Variants in MMS22L observed in about 807,000 individuals in gnomAD.
MMS22L encodes the protein MMS22 like, DNA repair protein, also known as protein MMS22-like.
MMS22L carries 74 observed loss-of-function variants against 159.1 expected under a neutral mutation model. The ratio of observed to expected loss-of-function variants is 0.47; its 90% CI spans 0.39 to 0.56. The LOEUF (loss-of-function observed/expected upper bound fraction) is 0.56. Among genes scored for constraint, MMS22L ranks in the 20% least tolerant of loss-of-function variants. The pLI, the probability that MMS22L is intolerant of heterozygous loss-of-function variation, is 0.00. For missense variants in MMS22L, 1,351 were observed against 1,422.1 expected (o/e 0.95, Z 0.80); for synonymous variants, 517 against 506.9 (o/e 1.02, Z -0.27).
intron 11 of MMS22L, among the ~76,000 whole-genome samples, chr6:97,244,948 T>A (rs544544922): frequency 6.6e-6 from 1 of 151,986 alleles, no homozygotes; most frequent in Admixed American, 6.6e-5. Context: ...CTGCCTCTGC[T>A]GCTTCATAAA....
intron 14 of MMS22L, among the ~76,000 whole-genome samples, chr6:97,225,572 GT>G (rs202185434): frequency 2.7e-4 from 39 of 142,064 alleles, no homozygotes; most frequent in East Asian, 1.2e-3. Context: ...TGGTCTCGAA[GT>G]TTTTTTTTTT....
intron 23 of MMS22L, among the ~76,000 whole-genome samples, chr6:97,151,369 A>C (rs947513355): frequency 3.9e-5 from 6 of 152,196 alleles, no homozygotes; most frequent in Non-Finnish European, 8.8e-5. Context: ...GCAGCCTAGG[A>C]CCATTAGGCC....
rs773186971 is a variant in MMS22L at position 97,144,473 on chromosome 6, GAA to G, written c.*2331_*2332del. ...GCTCAAGGGTCAACTGTATATGTAG[GAA>G]GGAGCAGTACCATTGTGGAAATGAT... On this transcript the variant is annotated 3_prime_UTR_variant, in exon 25 of 25. Coordinates refer to ENST00000683635, the MANE Select transcript of MMS22L (RefSeq NM_001350599.2). 1 of 152,220 alleles carries G rather than the reference GAA, an allele frequency of 6.6e-6. No individual in the cohort carries two copies. 9.4% of individuals were successfully genotyped at this position (152,220 alleles called of 1,614,324 possible). A position where few individuals can be genotyped will look rare whatever the true frequency, so the allele number is the denominator to read the frequency against.
At chr6:97,265,275 A>G (rs1046598748) in intron 8 of MMS22L, 1 of 152,234 alleles carries the variant, frequency 6.6e-6, no homozygotes, top group Non-Finnish European at 1.5e-5. Context: ...CTTCTTCAAT[A>G]AACAGGTTGG....
In MMS22L at chr6:97,272,995, A is replaced by G. The variant is rs1216029819; in HGVS notation, c.408T>C (p.Tyr136=). 6 of 1,612,990 alleles carry G rather than the reference A, an allele frequency of 3.7e-6. No individual in the cohort carries two copies. Among genetic ancestry groups the G allele is most frequent in the Non-Finnish European group, 5.1e-6 (6 of 1,179,764 alleles). The change falls in exon 5 of 25, where the codon TAT becomes TAC. Residue 136 remains tyrosine (Y), a synonymous_variant. Coordinates refer to ENST00000683635, the MANE Select transcript of MMS22L (RefSeq NM_001350599.2). The stretch of plus-strand genomic sequence containing the variant: ...CCTACCTGAAGATGAAAACTTTAAC[A>G]TAATGGAGAAATAGTACACACTGCT... ...IRQQCVLFLH[Y]VKVFIFRYLK... is the part of the protein sequence containing the mutation.
chr6:97,264,758 T>C (rs879743390), intron 8 of MMS22L: 1 of 151,050 alleles, frequency 6.6e-6, no homozygotes, highest in Admixed American at 6.6e-5. Flanking sequence ...CAACAAACTA[T>C]CCAAAAAAGA....
At chr6:97,178,922 G>C (rs920020617) in intron 17 of MMS22L, among the ~76,000 whole-genome samples, 1 of 151,980 alleles carries the variant, frequency 6.6e-6, no homozygotes, top group Non-Finnish European at 1.5e-5. Flanking sequence ...ACAGACAACA[G>C]AACTGCATGG....
intron 6 of MMS22L, chr6:97,270,985 T>C (rs2128090520): frequency 6.6e-6 from 1 of 152,178 alleles, no homozygotes; most frequent in African/African-American, 2.4e-5. Flanking sequence ...CAAATCGACC[T>C]AGAAAGTCAG....
chr6:97,282,361 T>C lies in MMS22L; in HGVS notation c.117A>G (p.Gly39=), dbSNP rs1816830228. 6.2e-7 allele frequency: 1 copy of C among 1,614,154 alleles called. No individual in the cohort carries two copies. Among genetic ancestry groups the C allele is most frequent in the Non-Finnish European group, 8.5e-7 (1 of 1,180,008 alleles). ...FSCAVDNRGG[G]KHFSGESYLC... is the part of the protein sequence containing the mutation. ...GGTAGGATTCTCCAGAAAAATGTTT[T>C]CCTCCTCCTCTGTTGTCAACAGCAC... The change falls in exon 2 of 25, where the codon GGA becomes GGG. Residue 39 remains glycine, a synonymous_variant. Transcript: ENST00000683635.
At chr6:97,256,028 G>A (rs1813770241) in intron 9 of MMS22L, among the ~76,000 whole-genome samples, 1 of 151,928 alleles carries the variant, frequency 6.6e-6, no homozygotes. Context: ...GGAGCTTTTA[G>A]TAGTACCATT....
intron 14 of MMS22L, 31 bp downstream of exon 14, chr6:97,228,863 T>A (rs1188859067): frequency 6.4e-7 from 1 of 1,556,852 alleles, no homozygotes; most frequent in Non-Finnish European, 8.7e-7. Flanking sequence ...ATAAAACAAA[T>A]CATAAATTAG....
intron 8 of MMS22L, chr6:97,264,984 A>T (rs1814933045): frequency 6.6e-6 from 1 of 152,192 alleles, no homozygotes; most frequent in South Asian, 2.1e-4. Context: ...TGACCTACAG[A>T]TTCAATGAAA....
At chr6:97,257,181 A>G (rs1296575335) in intron 9 of MMS22L, among the ~76,000 whole-genome samples, 1 of 152,140 alleles carries the variant, frequency 6.6e-6, no homozygotes, top group African/African-American at 2.4e-5. Flanking sequence ...TTTTAACTAT[A>G]GTTAGAAGTA....
chr6:97,168,058 A>G lies in MMS22L; in HGVS notation c.3009+13T>C, dbSNP rs1189118917. On this transcript the variant is annotated intron_variant, in intron 20 of 24. Transcript: ENST00000683635. ...TTTTTTTTTAAACTTTTAAGCAACC[A>G]CAGATACTATACCTGGAGATACAAA... 1 of 1,580,464 alleles carries G rather than the reference A, an allele frequency of 6.3e-7. No individual in the cohort carries two copies.
rs763571098 is a variant in MMS22L at position 97,179,382 on chromosome 6, T to C, written c.2536+26A>G. 2.5e-6 allele frequency: 4 copies of C among 1,601,400 alleles called. No homozygotes were observed. In the South Asian group the frequency reaches 4.5e-5, roughly 18 times the overall value. On this transcript the variant is annotated intron_variant, in intron 17 of 24. Transcript: ENST00000683635. ...TAGCTTTCCATAGATACCCCCATCC[T>C]CCCCAAAAAACGTACACTTACTTAC...
chr6:97,263,536 AT>A, intron 8 of MMS22L, 88 bp from the exon 9 acceptor site: 1 of 558,986 alleles, frequency 1.8e-6, no homozygotes, highest in Non-Finnish European at 3.0e-6. Context: ...TAAAAGAATG[AT>A]TTAGATGACT....
chr6:97,165,921 C>T (rs1582426390), intron 20 of MMS22L, among the ~76,000 whole-genome samples: 2 of 152,032 alleles, frequency 1.3e-5, no homozygotes, highest in African/African-American at 4.8e-5. Context: ...TAACAAAGGG[C>T]GAGGAATATG....
At chr6:97,275,871 C>T (rs771290620) in intron 4 of MMS22L, among the ~76,000 whole-genome samples, 2 of 152,002 alleles carry the variant, frequency 1.3e-5, no homozygotes, top group Non-Finnish European at 1.5e-5. Context: ...GGCATGATGG[C>T]GTGAGCCTGT....
At chr6:97,168,497 T>C (rs1198256996) in intron 19 of MMS22L, among the ~76,000 whole-genome samples, 4 of 152,104 alleles carry the variant, frequency 2.6e-5, no homozygotes, top group Non-Finnish European at 5.9e-5. Flanking sequence ...ACTGGTTAAG[T>C]ATCCCTAATC....
Sources: allele counts gnomAD v4.1 joint callset (sites outside exome capture counted in the v4.1 genomes callset), GRCh38; gene constraint gnomAD v4.1.1; transcripts MANE v1.5; gene names NCBI Gene and HGNC (gene_info 2026-07-23, HGNC 2026-07-21).